Variants in FAM13B observed in about 807,000 individuals in gnomAD.
The protein encoded by FAM13B is family with sequence similarity 13 member B.
Under a neutral mutation model 117.3 loss-of-function variants are expected in FAM13B, and 60 were observed. The observed-to-expected ratio is 0.51, with a 90% CI of 0.42 to 0.63. FAM13B has a LOEUF of 0.63. FAM13B is among the 30% of genes least tolerant of loss of function. FAM13B has a pLI of 0.00. For missense variants in FAM13B, 972 were observed against 1,091.9 expected, an observed-to-expected ratio of 0.89 and a Z score of 1.55; for synonymous variants, 332 against 356.1, an observed-to-expected ratio of 0.93 and a Z score of 0.76.
At chr5:137,946,342 C>CAAAAAAAAAAAAAAAAAAAACA in intron 18 of FAM13B, 31 bp from the exon 19 acceptor site, 1 of 919,178 alleles carries the variant, frequency 1.1e-6, no homozygotes. Context: ...TAACAAAATA[C>CAAAAAAAAAAAAAAAAAAAACA]AAAAAAAAAA....
intron 4 of FAM13B, among the ~76,000 whole-genome samples, chr5:138,014,360 G>A (rs1784773394): frequency 6.6e-6 from 1 of 152,254 alleles, no homozygotes; most frequent in South Asian, 2.1e-4. Context: ...TACAGCAGGA[G>A]GTGAGCAGCA....
intron 1 of FAM13B, chr5:138,039,253 C>T (rs1791396140): frequency 6.6e-6 from 1 of 152,184 alleles, no homozygotes; most frequent in African/African-American, 2.4e-5. Flanking sequence ...CTTCCCTCTG[C>T]CTGTATCCAT....
chr5:137,961,520 A>T (rs1017409483), intron 11 of FAM13B, among the ~76,000 whole-genome samples: 1 of 152,208 alleles, frequency 6.6e-6, no homozygotes, highest in African/African-American at 2.4e-5. Context: ...GAACTGCTAT[A>T]AGGAAATCTG....
intron 4 of FAM13B, among the ~76,000 whole-genome samples, chr5:138,012,945 T>C (rs961132262): frequency 6.6e-6 from 1 of 152,048 alleles, no homozygotes; most frequent in Non-Finnish European, 1.5e-5. Context: ...GGCTCATGCC[T>C]GTAATCCCAG....
intron 10 of FAM13B, among the ~76,000 whole-genome samples, chr5:137,966,447 A>C (rs1292850702): frequency 2.2e-5 from 3 of 138,910 alleles, no homozygotes; most frequent in Non-Finnish European, 4.6e-5. Flanking sequence ...AAAAAAAAGA[A>C]AGAAATAGAT....
intron 10 of FAM13B, among the ~76,000 whole-genome samples, chr5:137,967,978 C>T (rs541196613): frequency 2.3e-4 from 35 of 152,152 alleles, no homozygotes; most frequent in African/African-American, 7.7e-4. Flanking sequence ...AATCCCAGCA[C>T]TTTTGGAGGC....
chr5:137,997,585 GATCA>G (rs1368679565), intron 7 of FAM13B, among the ~76,000 whole-genome samples: 2 of 151,838 alleles, frequency 1.3e-5, no homozygotes, highest in Admixed American at 1.3e-4. Flanking sequence ...AGAACCTCAG[GATCA>G]ATCAAACAAA....
chr5:138,017,673 G>A (rs1785597243), intron 4 of FAM13B, among the ~76,000 whole-genome samples: 3 of 152,030 alleles, frequency 2.0e-5, no homozygotes. Context: ...TGACCTTTCT[G>A]CTGCCTCTAC....
chr5:138,033,140 G>A, upstream of FAM13B: 1 of 655,846 alleles, frequency 1.5e-6, no homozygotes, highest in South Asian at 6.7e-5. Context: ...GGCCGCTGGT[G>A]GGGGCGGGGC....
At chr5:137,952,375 T>A (rs956307706) in intron 17 of FAM13B, among the ~76,000 whole-genome samples, 4 of 152,172 alleles carry the variant, frequency 2.6e-5, no homozygotes, top group Admixed American at 6.5e-5. Flanking sequence ...ATCTCAGGTA[T>A]CTTTCAAAAA....
At chr5:137,941,404 T>C (rs1294813549) in intron 23 of FAM13B, among the ~76,000 whole-genome samples, 1 of 152,210 alleles carries the variant, frequency 6.6e-6, no homozygotes, top group Non-Finnish European at 1.5e-5. Context: ...AACTGGAATG[T>C]ATTTTTCTTA....
chr5:137,954,950 T>C (rs1766084878), intron 14 of FAM13B, among the ~76,000 whole-genome samples: 1 of 152,154 alleles, frequency 6.6e-6, no homozygotes, highest in African/African-American at 2.4e-5. Flanking sequence ...TAAATTTAAA[T>C]TTCTGAACCC....
rs200543187 is a variant in FAM13B, at chr5:138,018,481, T to C, written c.191A>G (p.Asn64Ser). The change falls in exon 4 of 24, where the codon AAT becomes AGT. Residue 64 changes from asparagine (N) to serine (S), a missense_variant. Coordinates refer to ENST00000689681, the MANE Select transcript of FAM13B (RefSeq NM_001385994.1). ...GLEQQGLFQVNGNAETVEWLR... is the reference protein window; with the variant it reads ...GLEQQGLFQVSGNAETVEWLR... ...CCACTCCACTGTCTCAGCATTTCCA[T>C]TGACTTGAAAAAGTCCTTGTTGCTC... The C allele has an allele frequency of 3.5e-5, 57 of 1,614,158 alleles. No individual in the cohort carries two copies. Among genetic ancestry groups the C allele is most frequent in the African/African-American group, 5.3e-5 (4 of 75,048 alleles).
intron 7 of FAM13B, among the ~76,000 whole-genome samples, chr5:137,995,469 C>G (rs1402368624): frequency 1.3e-5 from 2 of 152,056 alleles, no homozygotes; most frequent in African/African-American, 4.8e-5. Context: ...GTTCAATTAT[C>G]CAATTTGAGA....
At chr5:137,957,954 T>C (rs527430997) in intron 13 of FAM13B, among the ~76,000 whole-genome samples, 5 of 152,366 alleles carry the variant, frequency 3.3e-5, no homozygotes, top group South Asian at 2.1e-4. Flanking sequence ...GTCTATCCTC[T>C]TCAGACAATG....
rs964580801 is a variant in FAM13B, at chr5:138,032,961, C to T, written c.-382G>A. ...GGCGCGGGGCCAGCCCGGTAAGCGACCCCCCGGATACCCCCGGCGGTGGTG... is the reference window on the plus strand; with the variant it reads ...GGCGCGGGGCCAGCCCGGTAAGCGATCCCCCGGATACCCCCGGCGGTGGTG... On this transcript the variant is annotated 5_prime_UTR_variant, in exon 1 of 24. Transcript: ENST00000689681. 7 of 986,170 alleles carry T rather than the reference C, an allele frequency of 7.1e-6. No homozygotes were observed. The African/African-American group carries it at 1.0e-4, about 15-fold the overall frequency. The allele number at this position is 986,170 out of a possible 1,614,324, so 61.1% of individuals were successfully genotyped here.
At chr5:137,944,301 A>G (rs1218593989) in intron 20 of FAM13B, among the ~76,000 whole-genome samples, 1 of 152,180 alleles carries the variant, frequency 6.6e-6, no homozygotes, top group East Asian at 1.9e-4. Flanking sequence ...ATCACTAGGT[A>G]TATATATCCA....
intron 7 of FAM13B, among the ~76,000 whole-genome samples, chr5:138,002,824 C>A (rs959818989): frequency 1.4e-5 from 2 of 146,132 alleles, no homozygotes; most frequent in African/African-American, 5.1e-5. Context: ...CGCCACCACA[C>A]CCGGCTAATT....
chr5:137,944,666 A>G (rs1762923200), intron 20 of FAM13B, among the ~76,000 whole-genome samples: 1 of 151,728 alleles, frequency 6.6e-6, no homozygotes, highest in Admixed American at 6.6e-5. Flanking sequence ...GGCTGAGGTG[A>G]AAAATTGCTT....
Sources: gnomAD v4.1 joint callset for allele counts (sites outside exome capture counted in the v4.1 genomes callset) on GRCh38, gnomAD v4.1.1 for gene constraint, MANE v1.5 for transcripts, NCBI Gene and HGNC (gene_info 2026-07-23, HGNC 2026-07-21) for gene names.